Variants in ADCY9 observed in about 807,000 individuals in gnomAD.
The protein encoded by ADCY9 is adenylate cyclase 9, also known as adenylate cyclase type 9.
ADCY9 carries 50 observed loss-of-function variants against 101.5 expected under a neutral mutation model. That is an observed-to-expected ratio of 0.49 (90% CI 0.39 to 0.62). ADCY9 has a LOEUF of 0.62. ADCY9 is among the 20% of genes least tolerant of loss of function. The pLI is 0.00. For synonymous variants in ADCY9, 905 were observed against 769.3 expected (o/e 1.18, Z -2.92); for missense variants, 1,662 against 1,800.4 (o/e 0.92, Z 1.39).
Position 4,028,181 on chromosome 16 carries a change from G to A in ADCY9, c.1694-20623C>T, listed in dbSNP as rs184835312. On this transcript the variant is annotated intron_variant, in intron 2 of 10. Transcript: ENST00000294016. ...TATGATCCTTAGAACCGTATAGCAA[G>A]AGAAAAAAGTCAGTTCACAAATGAT... Among the ~76,000 whole-genome samples, 475 of 152,244 alleles carry A rather than the reference G, an allele frequency of 3.1e-3. 2 individuals carry two copies. The highest frequency in any genetic ancestry group is 4.1e-3 in the Non-Finnish European group (280 of 68,020).
chr16:4,006,975 G>C (rs1373271835), intron 3 of ADCY9, among the ~76,000 whole-genome samples: 2 of 152,196 alleles, frequency 1.3e-5, no homozygotes, highest in Admixed American at 6.5e-5. Flanking sequence ...AGACGTAGAA[G>C]TATTTGAGAA....
rs897727002 is a variant in ADCY9 at position 4,102,006 on chromosome 16, A to C, written c.1693+11744T>G. ...GACACTTGCCCTTTTTATTACGAGA[A>C]ACTGACACAATCACAGTCCCTAGTG... On this transcript the variant is annotated intron_variant, in intron 2 of 10. Coordinates refer to ENST00000294016, the MANE Select transcript of ADCY9 (RefSeq NM_001116.4). 5.9e-5 allele frequency among the ~76,000 whole-genome samples: 9 copies of C among 152,272 alleles called. No individual in the cohort carries two copies. The East Asian group carries it at 1.4e-3, about 23-fold the overall frequency.
At chr16:3,972,393 C>A (rs1334197852) in intron 10 of ADCY9, among the ~76,000 whole-genome samples, 1 of 151,986 alleles carries the variant, frequency 6.6e-6, no homozygotes, top group African/African-American at 2.4e-5. Flanking sequence ...CCACGTCCAG[C>A]TAATTTTTGT....
At chr16:4,058,863 G>C (rs1001432549) in intron 2 of ADCY9, among the ~76,000 whole-genome samples, 1 of 152,066 alleles carries the variant, frequency 6.6e-6, no homozygotes, top group African/African-American at 2.4e-5. Context: ...GGAGCTAAAG[G>C]AAGTCTCTGA....
At chr16:4,035,552 C>T (rs940911796) in intron 2 of ADCY9, among the ~76,000 whole-genome samples, 24 of 152,152 alleles carry the variant, frequency 1.6e-4, no homozygotes, top group African/African-American at 5.8e-4. Context: ...CTCGCAAAGC[C>T]TATATGCATG....
chr16:3,971,938 G>A (rs2056055605), intron 10 of ADCY9, among the ~76,000 whole-genome samples: 2 of 152,206 alleles, frequency 1.3e-5, no homozygotes, highest in Admixed American at 1.3e-4. Context: ...GCCCCTCCAG[G>A]CAGAGGAGGG....
chr16:4,047,618 C>G (rs896716265), intron 2 of ADCY9, among the ~76,000 whole-genome samples: 11 of 151,636 alleles, frequency 7.3e-5, no homozygotes, highest in African/African-American at 2.7e-4. Context: ...CAACCCATGA[C>G]AGCCTTCAAA....
intron 5 of ADCY9, among the ~76,000 whole-genome samples, chr16:3,953,813 C>T (rs533129981): frequency 3.5e-4 from 53 of 152,326 alleles, no homozygotes; most frequent in East Asian, 3.1e-3. Context: ...TCCAACACCA[C>T]GAACAGCAAA....
At chr16:4,027,258 T>G (rs2056522152) in intron 2 of ADCY9, among the ~76,000 whole-genome samples, 1 of 152,214 alleles carries the variant, frequency 6.6e-6, no homozygotes. Flanking sequence ...TTCCCTTGCT[T>G]CGTTTTCTCG....
intron 2 of ADCY9, among the ~76,000 whole-genome samples, chr16:4,012,878 G>C (rs2056413215): frequency 6.6e-6 from 1 of 152,176 alleles, no homozygotes; most frequent in African/African-American, 2.4e-5. Context: ...ATTTGTCCCA[G>C]TCTCTTTCTG....
At chr16:4,043,430 T>C (rs2056641236) in intron 2 of ADCY9, among the ~76,000 whole-genome samples, 1 of 152,002 alleles carries the variant, frequency 6.6e-6, no homozygotes, top group Non-Finnish European at 1.5e-5. Flanking sequence ...TCCCAGCACT[T>C]TGGGAAGCCG....
chr16:4,107,566 AAAAAAAAAAAAAG>A (rs1254316345), intron 2 of ADCY9, among the ~76,000 whole-genome samples: 8 of 150,128 alleles, frequency 5.3e-5, no homozygotes, highest in Non-Finnish European at 1.0e-4. Context: ...AAAAAAAAAA[AAAAAAAAAAAAAG>A]AATGCAGTGC....
intron 3 of ADCY9, among the ~76,000 whole-genome samples, chr16:3,994,172 C>T (rs988940315): frequency 6.6e-6 from 1 of 152,066 alleles, no homozygotes; most frequent in Non-Finnish European, 1.5e-5. Context: ...AAAAGAGGCC[C>T]CAGAGGAATC....
At chr16:4,095,976 C>CAAAAA (rs56897380) in intron 2 of ADCY9, among the ~76,000 whole-genome samples, 1 of 115,442 alleles carries the variant, frequency 8.7e-6, no homozygotes. Flanking sequence ...GACTCTATCT[C>CAAAAA]AAAAAAAAAA....
chr16:4,068,690 G>A (rs1295990491), intron 2 of ADCY9, among the ~76,000 whole-genome samples: 1 of 151,852 alleles, frequency 6.6e-6, no homozygotes, highest in Non-Finnish European at 1.5e-5. Flanking sequence ...GGTGGCGGGC[G>A]CCTGTAGTCC....
At chr16:4,006,127 C>T (rs996640633) in intron 3 of ADCY9, among the ~76,000 whole-genome samples, 1 of 152,138 alleles carries the variant, frequency 6.6e-6, no homozygotes, top group Non-Finnish European at 1.5e-5. Context: ...CTCTGCACCC[C>T]CAGGGGACAC....
chr16:4,050,241 A>C (rs968616819), intron 2 of ADCY9, among the ~76,000 whole-genome samples: 1 of 152,156 alleles, frequency 6.6e-6, no homozygotes, highest in Non-Finnish European at 1.5e-5. Context: ...CAGCCAAGGA[A>C]AGGGGAGAAA....
chr16:4,057,802 C>A (rs1225353334), intron 2 of ADCY9, among the ~76,000 whole-genome samples: 2 of 152,096 alleles, frequency 1.3e-5, no homozygotes, highest in African/African-American at 2.4e-5. Context: ...CACGTTCCAA[C>A]CCAGTGCTGC....
At chr16:3,961,394 G>A (rs1013698398), downstream of ADCY9, among the ~76,000 whole-genome samples, 22 of 151,696 alleles carry the variant, frequency 1.5e-4, no homozygotes, top group Non-Finnish European at 2.9e-4. Flanking sequence ...AGGCTGCAGT[G>A]AGCCCTGATG....
Sources: gnomAD v4.1 joint callset for allele counts (sites outside exome capture counted in the v4.1 genomes callset) on GRCh38, gnomAD v4.1.1 for gene constraint, MANE v1.5 for transcripts, NCBI Gene and HGNC (gene_info 2026-07-23, HGNC 2026-07-21) for gene names.